Variants in KCNQ5 observed in about 807,000 individuals in gnomAD.
The protein encoded by KCNQ5 is potassium voltage-gated channel subfamily KQT member 5.
Under a neutral mutation model 98.2 loss-of-function variants are expected in KCNQ5, and 30 were observed. The observed-to-expected ratio is 0.31, with a 90% confidence interval of 0.23 to 0.41. The LOEUF (loss-of-function observed/expected upper bound fraction) is 0.41. Ranked by LOEUF, KCNQ5 falls within the 10% of genes least tolerant of loss-of-function variation. KCNQ5 has a pLI of 1.00. For synonymous variants in KCNQ5, 458 were observed against 449.4 expected, an observed-to-expected ratio of 1.02 and a Z score of -0.24; for missense variants, 835 against 1,182.5, an observed-to-expected ratio of 0.71 and a Z score of 4.31.
chr6:72,845,235 G>A (rs770102940), intron 1 of KCNQ5, among the ~76,000 whole-genome samples: 11 of 152,094 alleles, frequency 7.2e-5, no homozygotes, highest in South Asian at 4.1e-4. Context: ...AAGAATGACC[G>A]TAAGCATTGG....
At chr6:72,883,098 G>T (rs1327679664) in intron 1 of KCNQ5, among the ~76,000 whole-genome samples, 2 of 152,172 alleles carry the variant, frequency 1.3e-5, no homozygotes, top group Non-Finnish European at 2.9e-5. Flanking sequence ...TGAACCTTAT[G>T]TTCACCAATC....
At chr6:72,718,743 C>T (rs1318760390) in intron 1 of KCNQ5, among the ~76,000 whole-genome samples, 2 of 152,076 alleles carry the variant, frequency 1.3e-5, no homozygotes, top group Admixed American at 6.5e-5. Flanking sequence ...GCCACCGCAC[C>T]CAGCCTCTGC....
intron 1 of KCNQ5, among the ~76,000 whole-genome samples, chr6:73,001,692 C>T (rs528351619): frequency 9.9e-5 from 15 of 152,196 alleles, no homozygotes; most frequent in Non-Finnish European, 1.5e-4. Context: ...ACATCATCCT[C>T]CCAACTACCT....
chr6:72,964,131 T>C (rs936676372), intron 1 of KCNQ5, among the ~76,000 whole-genome samples: 1 of 152,228 alleles, frequency 6.6e-6, no homozygotes, highest in Admixed American at 6.5e-5. Context: ...TTTACAACAT[T>C]AGTTCTCAAG....
chr6:73,030,739 G>T (rs550082112), intron 2 of KCNQ5, among the ~76,000 whole-genome samples: 1 of 152,296 alleles, frequency 6.6e-6, no homozygotes, highest in Non-Finnish European at 1.5e-5. Context: ...AAGACTAGGG[G>T]CAGGGAAACA....
chr6:73,071,095 T>C (rs927522558), intron 3 of KCNQ5, among the ~76,000 whole-genome samples: 7 of 152,144 alleles, frequency 4.6e-5, no homozygotes, highest in Non-Finnish European at 8.8e-5. Flanking sequence ...CCCACTGTAT[T>C]TGCAAAGATT....
intron 1 of KCNQ5, among the ~76,000 whole-genome samples, chr6:72,778,907 T>C (rs1773306935): frequency 6.6e-6 from 1 of 152,200 alleles, no homozygotes. Context: ...CCACTATAAA[T>C]AGCTTTTGTA....
chr6:72,699,633 A>C (rs1321882446), intron 1 of KCNQ5, among the ~76,000 whole-genome samples: 1 of 152,206 alleles, frequency 6.6e-6, no homozygotes, highest in African/African-American at 2.4e-5. Flanking sequence ...TGGCTCTGCT[A>C]ATCTCAAGAA....
chr6:72,622,427 C>G lies in KCNQ5; in HGVS notation c.238C>G (p.Arg80Gly), dbSNP rs750955277. 2 of 1,543,356 alleles carry G rather than the reference C, an allele frequency of 1.3e-6. No homozygotes were observed. Among genetic ancestry groups the G allele is most frequent in the Non-Finnish European group, 8.7e-7 (1 of 1,144,432 alleles). The change falls in exon 1 of 14, where the codon CGG (arginine) becomes GGG (glycine). Residue 80 changes from arginine (R) to glycine (G), a missense_variant. This residue lies in a region of KCNQ5 where 54 missense variants were observed against 51.5 expected (regional missense o/e 1.05). Coordinates refer to ENST00000370398, the MANE Select transcript of KCNQ5 (RefSeq NM_019842.4). This position sits in a 1 kb window ranked among gnomAD's most constrained non-coding sequence, Gnocchi z 6.0. ...GGGGGLRESR[R>G]GKQGARMSLL... ...CGGCGGTGGCCTGAGGGAGAGCCGC[C>G]GGGGCAAGCAGGGGGCCCGGATGAG...
intron 1 of KCNQ5, among the ~76,000 whole-genome samples, chr6:72,636,974 G>A (rs74422783): frequency 0.013 from 1,906 of 152,262 alleles, 47 homozygotes; most frequent in African/African-American, 0.043. Flanking sequence ...TTTGGAGCTC[G>A]GCGTTCAGCT....
chr6:72,863,983 A>G (rs916890669), intron 1 of KCNQ5, among the ~76,000 whole-genome samples: 3 of 152,190 alleles, frequency 2.0e-5, no homozygotes, highest in Non-Finnish European at 1.5e-5. Context: ...ACCTCAGTCC[A>G]TATACATCCC....
intron 1 of KCNQ5, among the ~76,000 whole-genome samples, chr6:72,819,752 T>C (rs1775668394): frequency 6.6e-6 from 1 of 152,186 alleles, no homozygotes; most frequent in Non-Finnish European, 1.5e-5. Context: ...ACTGGAGTAA[T>C]TTCTCACCTA....
At chr6:73,032,201 T>G (rs756775474) in intron 2 of KCNQ5, among the ~76,000 whole-genome samples, 4 of 152,230 alleles carry the variant, frequency 2.6e-5, no homozygotes, top group Admixed American at 6.5e-5. Flanking sequence ...GGAATTTTAT[T>G]TAAATTTGTG....
At position 72,966,375 on chromosome 6, in the gene KCNQ5, A is replaced by G. The variant is rs373648695; in HGVS notation, c.399-37533A>G. On this transcript the variant is annotated intron_variant, in intron 1 of 13. Coordinates refer to ENST00000370398, the MANE Select transcript of KCNQ5 (RefSeq NM_019842.4). ...GGAGTTCGAAACTAGCCTGGCCAAC[A>G]TGGTGAAACCCTGTCTCTATTAAAA... 6.4e-4 allele frequency among the ~76,000 whole-genome samples: 97 copies of G among 151,990 alleles called. 1 individual carries two copies. The East Asian group carries it at 0.018, about 28-fold the overall frequency.
chr6:72,760,901 TTA>T (rs923105793), intron 1 of KCNQ5, among the ~76,000 whole-genome samples: 4 of 152,196 alleles, frequency 2.6e-5, no homozygotes, highest in African/African-American at 9.6e-5. Context: ...CATTCTGTGC[TTA>T]TATGTTCTGT....
intron 1 of KCNQ5, among the ~76,000 whole-genome samples, chr6:72,678,037 GAGGCCTGTT>G (rs969067891): frequency 6.6e-6 from 1 of 152,208 alleles, no homozygotes; most frequent in Admixed American, 6.5e-5. Flanking sequence ...ATTGTGGTTA[GAGGCCTGTT>G]AGCATAAAGG....
chr6:72,864,215 A>G (rs1777882200), intron 1 of KCNQ5, among the ~76,000 whole-genome samples: 1 of 152,132 alleles, frequency 6.6e-6, no homozygotes, highest in African/African-American at 2.4e-5. Flanking sequence ...CATGCCAGCC[A>G]TGCCTATATC....
chr6:72,740,453 C>G (rs905131721), intron 1 of KCNQ5, among the ~76,000 whole-genome samples: 17 of 152,032 alleles, frequency 1.1e-4, no homozygotes, highest in Non-Finnish European at 2.2e-4. Context: ...GCCATGAGTA[C>G]CTGTTACATT....
chr6:73,114,973 A>C (rs2150432117), intron 7 of KCNQ5, among the ~76,000 whole-genome samples: 1 of 152,256 alleles, frequency 6.6e-6, no homozygotes, highest in Non-Finnish European at 1.5e-5. Context: ...CAAGCCACTT[A>C]TATAGAGATT....
Sources: gnomAD v4.1 joint callset for allele counts (sites outside exome capture counted in the v4.1 genomes callset) on GRCh38, gnomAD v4.1.1 for gene constraint, gnomAD v4.1.1 regional missense constraint, Gnocchi (gnomAD v3.1) non-coding constraint, MANE v1.5 for transcripts, NCBI Gene and HGNC (gene_info 2026-07-23, HGNC 2026-07-21) for gene names.